The following ARHGAP24 variants were observed in gnomAD, a reference collection of about 807,000 sequenced individuals.
The protein encoded by ARHGAP24 is Rho GTPase activating protein 24, also known as rho GTPase-activating protein 24.
Under a neutral mutation model 76.4 loss-of-function variants are expected in ARHGAP24, and 50 were observed. That is an observed-to-expected ratio of 0.65 (90% CI 0.52 to 0.83). The LOEUF is 0.83. Ranked by LOEUF, ARHGAP24 falls within the 40% of genes least tolerant of loss-of-function variation. The pLI, the probability that ARHGAP24 is intolerant of heterozygous loss-of-function variation, is 0.00. For missense variants in ARHGAP24, 930 were observed against 914.2 expected (o/e 1.02, Z -0.22); for synonymous variants, 345 against 323.3 (o/e 1.07, Z -0.72).
chr4:85,527,781 TTCTG>T (rs1195889769), intron 1 of ARHGAP24, among the ~76,000 whole-genome samples: 1 of 152,152 alleles, frequency 6.6e-6, no homozygotes, highest in African/African-American at 2.4e-5. Context: ...ATTGCTTTCC[TTCTG>T]TATTTTAAAT....
chr4:85,894,960 C>CAAAAAAAAAAAAAAAA (rs540459367), intron 3 of ARHGAP24, among the ~76,000 whole-genome samples: 2 of 35,356 alleles, frequency 5.7e-5, no homozygotes, highest in East Asian at 6.6e-4. Context: ...GACTCCCTCT[C>CAAAAAAAAAAAAAAAA]AAAAAAAAAA....
intron 1 of ARHGAP24, among the ~76,000 whole-genome samples, chr4:85,553,170 C>G (rs1726213132): frequency 6.6e-6 from 1 of 152,144 alleles, no homozygotes; most frequent in Non-Finnish European, 1.5e-5. Flanking sequence ...AGGAGTGAAG[C>G]TGCAGACATT....
At chr4:85,502,534 G>A (rs1005803387) in intron 1 of ARHGAP24, among the ~76,000 whole-genome samples, 4 of 152,128 alleles carry the variant, frequency 2.6e-5, no homozygotes, top group East Asian at 1.9e-4. Flanking sequence ...TGTTATTGGT[G>A]TATAGGAATG....
At chr4:85,951,738 T>C (rs1737627262) in intron 5 of ARHGAP24, among the ~76,000 whole-genome samples, 1 of 152,216 alleles carries the variant, frequency 6.6e-6, no homozygotes, top group Non-Finnish European at 1.5e-5. Flanking sequence ...TGCTTATTTC[T>C]CACCAAAGAG....
At chr4:85,595,841 C>G (rs1363828434) in intron 2 of ARHGAP24, among the ~76,000 whole-genome samples, 3 of 151,994 alleles carry the variant, frequency 2.0e-5, no homozygotes, top group Non-Finnish European at 4.4e-5. Context: ...CACCATAAGA[C>G]TGGCTCTATT....
chr4:85,533,742 AAT>A (rs1450145332), intron 1 of ARHGAP24, among the ~76,000 whole-genome samples: 7 of 152,176 alleles, frequency 4.6e-5, no homozygotes, highest in South Asian at 4.1e-4. Flanking sequence ...TGTTATTACA[AAT>A]ATGATTATTA....
chr4:85,525,274 T>TTTA (rs397820267), intron 1 of ARHGAP24, among the ~76,000 whole-genome samples: 2 of 150,494 alleles, frequency 1.3e-5, no homozygotes, highest in African/African-American at 4.9e-5. Context: ...TTTTTTTTTT[T>TTTA]ACCGTAGCTC....
intron 3 of ARHGAP24, among the ~76,000 whole-genome samples, chr4:85,826,903 TA>T (rs1729738509): frequency 6.6e-6 from 1 of 152,240 alleles, no homozygotes; most frequent in Non-Finnish European, 1.5e-5. Context: ...ATTATTTACC[TA>T]TTAAAAAATA....
At chr4:85,723,655 T>C (rs1420551272) in intron 3 of ARHGAP24, 1 of 152,236 alleles carries the variant, frequency 6.6e-6, no homozygotes, top group Non-Finnish European at 1.5e-5. Flanking sequence ...TAATACAGTA[T>C]GTAATAGCTG....
At chr4:85,498,309 C>T (rs1723659555) in intron 1 of ARHGAP24, among the ~76,000 whole-genome samples, 1 of 152,190 alleles carries the variant, frequency 6.6e-6, no homozygotes, top group Non-Finnish European at 1.5e-5. Flanking sequence ...GACTAGGGAG[C>T]TGGGCCTGGC....
chr4:85,882,315 G>T (rs1375781021), intron 3 of ARHGAP24, among the ~76,000 whole-genome samples: 1 of 152,124 alleles, frequency 6.6e-6, no homozygotes, highest in African/African-American at 2.4e-5. Flanking sequence ...TTTATGAGGA[G>T]AATTAGATGA....
chr4:85,801,883 C>T (rs1728594501), intron 3 of ARHGAP24, among the ~76,000 whole-genome samples: 1 of 152,230 alleles, frequency 6.6e-6, no homozygotes, highest in Admixed American at 6.5e-5. Context: ...GAGAAGACCA[C>T]AGCTCTAGCA....
intron 1 of ARHGAP24, among the ~76,000 whole-genome samples, chr4:85,530,560 ACACT>A (rs150760748): frequency 0.051 from 7,709 of 152,026 alleles, 219 homozygotes; most frequent in African/African-American, 0.07. Context: ...TTTCCAATAA[ACACT>A]CACATAATAA....
At chr4:85,942,034 T>C in intron 4 of ARHGAP24, 32 bp from the exon 5 acceptor site, 1 of 1,602,124 alleles carries the variant, frequency 6.2e-7, no homozygotes. Context: ...GAGATAAATT[T>C]CCCAAGTTTA....
At chr4:85,808,004 TGA>T (rs1560643841) in intron 3 of ARHGAP24, among the ~76,000 whole-genome samples, 1 of 152,312 alleles carries the variant, frequency 6.6e-6, no homozygotes, top group East Asian at 1.9e-4. Context: ...GTGTCTTTCT[TGA>T]GAGTTTTTTA....
At chr4:85,887,976 A>T (rs1018175037) in intron 3 of ARHGAP24, among the ~76,000 whole-genome samples, 2 of 152,206 alleles carry the variant, frequency 1.3e-5, no homozygotes, top group Non-Finnish European at 2.9e-5. Context: ...ATCCTGGGTC[A>T]TATATAAATC....
chr4:85,513,003 A>G (rs1486189281), intron 1 of ARHGAP24, among the ~76,000 whole-genome samples: 3 of 152,190 alleles, frequency 2.0e-5, no homozygotes, highest in Non-Finnish European at 2.9e-5. Flanking sequence ...CATGGGAGTT[A>G]TGTCCTCTCC....
intron 1 of ARHGAP24, among the ~76,000 whole-genome samples, chr4:85,529,064 C>A (rs1021242490): frequency 1.3e-5 from 2 of 152,034 alleles, no homozygotes; most frequent in Admixed American, 6.6e-5. Flanking sequence ...TAGCAAAATT[C>A]TTCTCATGTA....
At chr4:85,864,763 T>G (rs747079745) in intron 3 of ARHGAP24, among the ~76,000 whole-genome samples, 2 of 152,058 alleles carry the variant, frequency 1.3e-5, no homozygotes, top group Non-Finnish European at 2.9e-5. Flanking sequence ...AGTTAAGTAG[T>G]ATATATGGAA....
Sources: allele counts gnomAD v4.1 joint callset (sites outside exome capture counted in the v4.1 genomes callset), GRCh38; gene constraint gnomAD v4.1.1; transcripts MANE v1.5; gene names NCBI Gene and HGNC (gene_info 2026-07-23, HGNC 2026-07-21).